CYTH1: variants seen among roughly 807,000 people sequenced by gnomAD.
The protein encoded by CYTH1 is cytohesin-1.
Under a neutral mutation model 61.8 loss-of-function variants are expected in CYTH1, and 18 were observed. The observed-to-expected ratio is 0.29, with a 90% confidence interval of 0.20 to 0.43. CYTH1 has a LOEUF of 0.43. Ranked by LOEUF, CYTH1 falls within the 20% of genes least tolerant of loss-of-function variation. The pLI is 1.00. For missense variants in CYTH1, 336 were observed against 510.5 expected (o/e 0.66, Z 3.29); for synonymous variants, 174 against 184.3 (o/e 0.94, Z 0.45).
intron 1 of CYTH1, among the ~76,000 whole-genome samples, 175 bp from the exon 2 acceptor site, chr17:78,709,907 G>C (rs763040446): frequency 1.3e-5 from 2 of 152,202 alleles, no homozygotes; most frequent in Non-Finnish European, 2.9e-5. Context: ...TCTAAGAAAG[G>C]AAGGCCCTTA....
chr17:78,777,141 T>C (rs1450792742), intron 1 of CYTH1, among the ~76,000 whole-genome samples: 1 of 101,990 alleles, frequency 9.8e-6, no homozygotes, highest in South Asian at 3.0e-4. Context: ...AAAAAAAAAA[T>C]AAGGCCGGGC....
chr17:78,676,808 G>A (rs1359764133), intron 13 of CYTH1: 1 of 359,792 alleles, frequency 2.8e-6, no homozygotes, highest in South Asian at 2.0e-5. Flanking sequence ...CGCAGGCCGC[G>A]CCGCGGGCTG....
chr17:78,685,203 CAAAAAAA>C (rs58642161), intron 11 of CYTH1, among the ~76,000 whole-genome samples: 112 of 60,434 alleles, frequency 1.9e-3, no homozygotes, highest in African/African-American at 6.8e-3. Flanking sequence ...GACTCTGTCT[CAAAAAAA>C]AAAAAAAAAA....
Position 78,675,872 on chromosome 17 carries a change from G to A in CYTH1, c.*219C>T. The A allele has an allele frequency of 6.8e-7, 1 of 1,472,768 alleles. No individual in the cohort carries two copies. Among genetic ancestry groups the A allele is most frequent in the African/African-American group, 1.4e-5 (1 of 70,542 alleles). 91.2% of individuals were successfully genotyped at this position (1,472,768 alleles called of 1,614,324 possible). A position where few individuals can be genotyped will look rare whatever the true frequency, so the allele number is the denominator to read the frequency against. ...CTGCCCTGTGAGAGAGGAAGGCTCTGGAGCCCATGCTGGACAGGTGGCCGG... is the reference window on the plus strand; with the variant it reads ...CTGCCCTGTGAGAGAGGAAGGCTCTAGAGCCCATGCTGGACAGGTGGCCGG... On this transcript the variant is annotated 3_prime_UTR_variant, in exon 14 of 14. Coordinates refer to ENST00000446868, the MANE Select transcript of CYTH1 (RefSeq NM_004762.6).
intron 1 of CYTH1, among the ~76,000 whole-genome samples, chr17:78,748,312 C>A (rs368506364): frequency 1.3e-5 from 2 of 152,168 alleles, no homozygotes; most frequent in Admixed American, 6.5e-5. Context: ...CCAGGTGTCC[C>A]GTCAGCTGGT....
At chr17:78,736,439 GACACACACACACAT>G (rs977817648) in intron 1 of CYTH1, among the ~76,000 whole-genome samples, 30 of 150,912 alleles carry the variant, frequency 2.0e-4, no homozygotes, top group Admixed American at 2.6e-4. Context: ...CTCACTCTCT[GACACACACACACAT>G]ACACACACAC....
intron 1 of CYTH1, among the ~76,000 whole-genome samples, chr17:78,752,632 T>G (rs910574852): frequency 1.3e-5 from 2 of 152,078 alleles, no homozygotes; most frequent in African/African-American, 2.4e-5. Flanking sequence ...AGGGTTTCAT[T>G]ATTGGCCAGG....
chr17:78,688,946 A>G (rs2092847149), intron 11 of CYTH1, among the ~76,000 whole-genome samples: 1 of 152,114 alleles, frequency 6.6e-6, no homozygotes. Context: ...CTGCTGTCTC[A>G]TCAATGGGTC....
At chr17:78,773,241 A>G (rs2093478633) in intron 1 of CYTH1, among the ~76,000 whole-genome samples, 1 of 152,186 alleles carries the variant, frequency 6.6e-6, no homozygotes, top group Non-Finnish European at 1.5e-5. Context: ...AAGCCAAGGC[A>G]GGAGAATCAC....
chr17:78,748,925 GAC>G (rs1396172034), intron 1 of CYTH1, among the ~76,000 whole-genome samples: 2 of 152,140 alleles, frequency 1.3e-5, no homozygotes, highest in African/African-American at 2.4e-5. Flanking sequence ...TTACTCAGCT[GAC>G]ACAGAGCAAA....
chr17:78,700,498 A>G lies in CYTH1; in HGVS notation c.438-55T>C, dbSNP rs2092996904. The G allele has an allele frequency of 7.4e-7, 1 of 1,351,010 alleles. No individual in the cohort carries two copies. Among genetic ancestry groups the G allele is most frequent in the Non-Finnish European group, 1.0e-6 (1 of 983,004 alleles). The allele number at this position is 1,351,010 out of a possible 1,614,324, so 83.7% of individuals were successfully genotyped here. On this transcript the variant is annotated intron_variant, in intron 6 of 13. Coordinates refer to ENST00000446868, the MANE Select transcript of CYTH1 (RefSeq NM_004762.6). The surrounding 1 kb of genome is among the most constrained non-coding windows in gnomAD (Gnocchi z 5.1). The stretch of plus-strand genomic sequence containing the variant: ...ACTTGGGGAGGCAATTTATTTCTCT[A>G]TGAATTGTTAAACTGCCAATGATTT...
chr17:78,754,419 C>T (rs895191455), intron 1 of CYTH1, among the ~76,000 whole-genome samples: 2 of 152,034 alleles, frequency 1.3e-5, no homozygotes, highest in African/African-American at 4.8e-5. Context: ...TCTTGGCTCA[C>T]TGCAGCCTCA....
chr17:78,685,503 A>G (rs1012718337), intron 11 of CYTH1, among the ~76,000 whole-genome samples: 2 of 152,170 alleles, frequency 1.3e-5, no homozygotes, highest in African/African-American at 2.4e-5. Context: ...CTATATGAGT[A>G]TATTTAGCTA....
At chr17:78,779,843 A>G (rs544226328) in intron 1 of CYTH1, among the ~76,000 whole-genome samples, 3 of 152,370 alleles carry the variant, frequency 2.0e-5, no homozygotes, top group African/African-American at 4.8e-5. Context: ...GACTTCTGAC[A>G]GCAGAACCCT....
At chr17:78,777,108 AG>A (rs2093495037) in intron 1 of CYTH1, among the ~76,000 whole-genome samples, 1 of 141,216 alleles carries the variant, frequency 7.1e-6, no homozygotes, top group African/African-American at 2.7e-5. Flanking sequence ...CTGGGCAACA[AG>A]AGTGAAACTC....
At chr17:78,676,696 C>T in intron 13 of CYTH1, 1 of 318,994 alleles carries the variant, frequency 3.1e-6, no homozygotes, top group Non-Finnish European at 6.1e-6. Flanking sequence ...CACGATGCTG[C>T]TGGTGGGGCA....
In CYTH1 at chr17:78,749,656, AT is replaced by A. The variant is rs1159757382; in HGVS notation, c.22+32545del. On this transcript the variant is annotated intron_variant, in intron 1 of 13. Transcript: ENST00000446868. ...AAAAAAATAATAATAACAAATAAAAATAAAAAAATAAAAAAAAACCTAACTA... is the reference window on the plus strand; with the variant it reads ...AAAAAAATAATAATAACAAATAAAAAAAAAAAATAAAAAAAAACCTAACTA... Among the ~76,000 whole-genome samples the A allele has an allele frequency of 2.0e-3, 308 of 151,828 alleles. 3 individuals carry two copies. The highest frequency in any genetic ancestry group is 7.0e-3 in the African/African-American group (290 of 41,344).
intron 1 of CYTH1, among the ~76,000 whole-genome samples, chr17:78,752,171 C>T (rs2093382881): frequency 6.6e-6 from 1 of 152,184 alleles, no homozygotes; most frequent in Non-Finnish European, 1.5e-5. Context: ...TCCCTCTCTT[C>T]GCCAGTTACA....
chr17:78,692,071 A>G (rs4796834), intron 11 of CYTH1: 199,952 of 201,012 alleles, frequency 0.99, 99,497 homozygotes, highest in Middle Eastern at 1. Context: ...TCTCCCTTTC[A>G]ATTAGGGCCA....
Sources: gnomAD v4.1 joint callset for allele counts (sites outside exome capture counted in the v4.1 genomes callset) on GRCh38, gnomAD v4.1.1 for gene constraint, Gnocchi (gnomAD v3.1) non-coding constraint, MANE v1.5 for transcripts, NCBI Gene and HGNC (gene_info 2026-07-23, HGNC 2026-07-21) for gene names.